The following TIAM2 variants were observed in gnomAD, a reference collection of about 807,000 sequenced individuals.
The protein encoded by TIAM2 is TIAM Rac1 associated GEF 2.
In TIAM2, 80 loss-of-function variants were observed where a neutral mutation model predicts 152.9. The observed-to-expected ratio is 0.52, with a 90% CI of 0.44 to 0.63. The LOEUF is 0.63. TIAM2 is among the 30% of genes least tolerant of loss of function. The pLI is 0.00. For synonymous variants in TIAM2, 804 were observed against 838.0 expected (o/e 0.96, Z 0.70); for missense variants, 1,965 against 2,120.1 (o/e 0.93, Z 1.44).
In TIAM2 at chr6:155,183,312, C is replaced by T. The variant is rs201772716; in HGVS notation, c.2876C>T (p.Ala959Val). 67 of 1,614,006 alleles carry T rather than the reference C, an allele frequency of 4.2e-5. No homozygotes were observed. The highest frequency in any genetic ancestry group is 5.3e-5 in the Non-Finnish European group (63 of 1,180,026). Residue 959 changes from alanine (A) to valine (V), a missense_variant, in exon 14 of 27, where the codon GCC becomes GTC. Transcript: ENST00000682666. ...GATCTTGACCTTAAGCAGATGGAGGCCCTGTTTTCTGAGAAGAGCGTCGGA... is the reference window on the plus strand; with the variant it reads ...GATCTTGACCTTAAGCAGATGGAGGTCCTGTTTTCTGAGAAGAGCGTCGGA... ...VSDLDLKQME[A>V]LFSEKSVGLT... is the part of the protein sequence containing the mutation.
In TIAM2 at chr6:155,248,164, C is replaced by T. The variant is rs1168278377; in HGVS notation, c.3817C>T (p.His1273Tyr). 1.2e-6 allele frequency: 2 copies of T among 1,613,774 alleles called. No individual in the cohort carries two copies. Among genetic ancestry groups the T allele is most frequent in the Non-Finnish European group, 1.7e-6 (2 of 1,179,976 alleles). ...VSLTDQESEE[H>Y]YHLTEALKAM... ...CCTGACGGACCAGGAGAGCGAGGAG[C>T]ACTACCACCTGACGGGTGAGGCGGC... Residue 1273 changes from histidine (H) to tyrosine (Y), a missense_variant, in exon 20 of 27, where the codon CAC becomes TAC. His to Tyr is a moderately conservative substitution (Grantham distance 83). Around this residue, in one of 3 missense-constraint regions of TIAM2, gnomAD observed 935 missense variants for 980.0 expected, o/e 0.95. Transcript: ENST00000682666.
intron 5 of TIAM2, among the ~76,000 whole-genome samples, chr6:155,144,002 C>T (rs552463568): frequency 6.6e-6 from 1 of 152,278 alleles, no homozygotes; most frequent in East Asian, 1.9e-4. Context: ...TTCACCTTAT[C>T]TTATGTAAAG....
chr6:155,044,887 G>A (rs563629389), intron 1 of TIAM2, among the ~76,000 whole-genome samples: 1 of 151,584 alleles, frequency 6.6e-6, no homozygotes, highest in African/African-American at 2.4e-5. Context: ...TATTAACTTT[G>A]TGTTTTGCTC....
chr6:155,229,305 C>T (rs1782366056), intron 15 of TIAM2, among the ~76,000 whole-genome samples: 2 of 152,190 alleles, frequency 1.3e-5, no homozygotes, highest in South Asian at 4.1e-4. Context: ...TCCTTTGGGG[C>T]ACTCGGGAAA....
intron 1 of TIAM2, among the ~76,000 whole-genome samples, chr6:155,039,736 C>T (rs1776986752): frequency 6.6e-6 from 1 of 152,156 alleles, no homozygotes; most frequent in African/African-American, 2.4e-5. Context: ...GGCCCTGAAG[C>T]TTAAGCTTCA....
At chr6:155,107,011 G>A (rs1408489248) in intron 2 of TIAM2, among the ~76,000 whole-genome samples, 1 of 152,176 alleles carries the variant, frequency 6.6e-6, no homozygotes, top group Non-Finnish European at 1.5e-5. Context: ...CAACGGCTGA[G>A]CATTTGAAGT....
intron 1 of TIAM2, among the ~76,000 whole-genome samples, chr6:155,008,593 TA>T (rs1384866828): frequency 2.0e-5 from 2 of 98,374 alleles, no homozygotes; most frequent in Admixed American, 2.6e-4. Context: ...TTTCTGGAAA[TA>T]ATTTTTTTTT....
At chr6:155,131,064 T>C (rs1583206409) in intron 4 of TIAM2, among the ~76,000 whole-genome samples, 1 of 152,236 alleles carries the variant, frequency 6.6e-6, no homozygotes, top group East Asian at 1.9e-4. Context: ...AGGCCTAATC[T>C]TAAGACTTGG....
chr6:155,105,172 G>T (rs571906909), intron 2 of TIAM2, among the ~76,000 whole-genome samples: 11 of 151,982 alleles, frequency 7.2e-5, no homozygotes, highest in Middle Eastern at 6.8e-3. Flanking sequence ...TAGCCAGGAT[G>T]GTCTCAATCT....
intron 1 of TIAM2, among the ~76,000 whole-genome samples, chr6:155,026,519 C>G (rs1221721721): frequency 6.6e-6 from 1 of 152,222 alleles, no homozygotes; most frequent in African/African-American, 2.4e-5. Flanking sequence ...TGGACAACTA[C>G]AGAACACTGG....
At position 155,130,158 on chromosome 6, in the gene TIAM2, C is replaced by A. The variant is rs1171365353; in HGVS notation, c.935C>A (p.Ser312Tyr). Residue 312 changes from serine to tyrosine, a missense_variant, in exon 4 of 27, where the codon TCC becomes TAC. By Grantham distance (144) the Ser-to-Tyr change is moderately radical. This residue lies in a region of TIAM2 where 1,025 missense variants were observed against 1,119.4 expected (regional missense o/e 0.92). Coordinates refer to ENST00000682666, the MANE Select transcript of TIAM2 (RefSeq NM_012454.4). ...LYKDANLGSL[S>Y]PSGIRLSDEY... ...AAAGATGCCAACCTGGGGAGCCTCT[C>A]CCCCTCAGGTATCCGCCTTTCTGAT... 6.2e-7 allele frequency: 1 copy of A among 1,614,084 alleles called. No individual in the cohort carries two copies. Among genetic ancestry groups the A allele is most frequent in the African/African-American group, 1.3e-5 (1 of 74,936 alleles).
intron 1 of TIAM2, among the ~76,000 whole-genome samples, chr6:155,029,443 C>CATAGTATATATAATA (rs1474453967): frequency 3.0e-4 from 2 of 6,646 alleles, no homozygotes; most frequent in African/African-American, 8.0e-4. Context: ...ATATATTATA[C>CATAGTATATATAATA]TATAGTATAT....
Position 155,137,345 on chromosome 6 carries a change from C to T in TIAM2, c.1363C>T (p.Arg455Trp), listed in dbSNP as rs759700642. 3.2e-5 allele frequency: 52 copies of T among 1,614,058 alleles called. No individual in the cohort carries two copies. The highest frequency in any genetic ancestry group is 4.4e-5 in the South Asian group (4 of 91,088). ...STHAIGSDPL[R>W]QNIYENFMRE... Reference sequence around the variant, plus strand: ...ACATGCGATTGGCAGCGATCCCCTCCGGCAGAACATTTATGAGAATTTCAT... The same window carrying T: ...ACATGCGATTGGCAGCGATCCCCTCTGGCAGAACATTTATGAGAATTTCAT... Residue 455 changes from arginine (R) to tryptophan (W), a missense_variant, in exon 5 of 27, where the codon CGG becomes TGG. Transcript: ENST00000682666.
At chr6:155,080,676 G>C (rs995446825) in intron 1 of TIAM2, among the ~76,000 whole-genome samples, 4 of 151,942 alleles carry the variant, frequency 2.6e-5, no homozygotes, top group African/African-American at 9.7e-5. Context: ...CTCATGATCC[G>C]CCCACCTCAG....
intron 2 of TIAM2, among the ~76,000 whole-genome samples, chr6:155,125,003 G>A (rs1446284902): frequency 1.3e-5 from 2 of 152,088 alleles, no homozygotes; most frequent in Non-Finnish European, 2.9e-5. Context: ...GAGGCCGGGT[G>A]TGGTGCCTCA....
intron 2 of TIAM2, among the ~76,000 whole-genome samples, chr6:155,119,652 C>T (rs930742743): frequency 1.3e-5 from 2 of 152,194 alleles, no homozygotes; most frequent in South Asian, 2.1e-4. Context: ...AATGACTTTT[C>T]GAATGTTTTG....
rs1335097130 is a variant in TIAM2 at position 155,053,287 on chromosome 6, C to G, written c.-208-37002C>G. Among the ~76,000 whole-genome samples, 3 of 152,066 alleles carry G rather than the reference C, an allele frequency of 2.0e-5. No homozygotes were observed. In the East Asian group the frequency reaches 5.8e-4, roughly 29 times the overall value. ...GGTGGCATTTGGAGGAATTGGATTTCTGGATAAGGGGGTACGTGGGAGCTT... is the reference window on the plus strand; with the variant it reads ...GGTGGCATTTGGAGGAATTGGATTTGTGGATAAGGGGGTACGTGGGAGCTT... On this transcript the variant is annotated intron_variant, in intron 1 of 26. Transcript: ENST00000682666.
intron 1 of TIAM2, among the ~76,000 whole-genome samples, chr6:155,045,873 G>A (rs57403490): frequency 0.035 from 1,275 of 36,464 alleles, 17 homozygotes; most frequent in African/African-American, 0.11. Flanking sequence ...GTTTTTGTTT[G>A]TTTGTTTTAG....
Position 155,183,218 on chromosome 6 carries a change from TCTCC to T in TIAM2, c.2801-18_2801-15del. ...GTAATCCCTCTCTCTTTTTTCTGTTTCTCCTTCCTTTTTCTCAGGGCTGAGAAAG... is the reference window on the plus strand; with the variant it reads ...GTAATCCCTCTCTCTTTTTTCTGTTTTTCCTTTTTCTCAGGGCTGAGAAAG... On this transcript the variant is annotated splice_polypyrimidine_tract_variant and intron_variant, in intron 13 of 26. Transcript: ENST00000682666. The T allele has an allele frequency of 6.2e-7, 1 of 1,604,318 alleles. No homozygotes were observed.
Sources: allele counts gnomAD v4.1 joint callset (sites outside exome capture counted in the v4.1 genomes callset), GRCh38; gene constraint gnomAD v4.1.1; regional missense constraint gnomAD v4.1.1; transcripts MANE v1.5; gene names NCBI Gene and HGNC (gene_info 2026-07-23, HGNC 2026-07-21).